Variants in GRIN2A observed in about 807,000 individuals in gnomAD.
GRIN2A encodes glutamate ionotropic receptor NMDA type subunit 2A.
In GRIN2A, 22 loss-of-function variants were observed where a neutral mutation model predicts 113.4. That is an observed-to-expected ratio of 0.19 (90% confidence interval 0.14 to 0.28). GRIN2A has a LOEUF of 0.28. Ranked by LOEUF, GRIN2A falls within the 10% of genes least tolerant of loss-of-function variation. The probability of loss-of-function intolerance (pLI) is 1.00; values close to 1 mark genes in which losing one functional copy is unlikely to be tolerated. For synonymous variants in GRIN2A, 827 were observed against 738.4 expected (o/e 1.12, Z -1.94); for missense variants, 1,502 against 1,887.0 (o/e 0.80, Z 3.78).
intron 2 of GRIN2A, among the ~76,000 whole-genome samples, chr16:10,025,315 T>C (rs2141907936): frequency 6.9e-6 from 1 of 145,526 alleles, no homozygotes; most frequent in Middle Eastern, 3.4e-3. Flanking sequence ...TTTTTTTTTT[T>C]TTTTTGAGAT....
intron 3 of GRIN2A, among the ~76,000 whole-genome samples, chr16:9,896,101 G>C (rs971623732): frequency 1.3e-5 from 2 of 151,856 alleles, no homozygotes; most frequent in Non-Finnish European, 2.9e-5. Context: ...CCAGGATGGA[G>C]TGCAGTGGTG....
intron 4 of GRIN2A, among the ~76,000 whole-genome samples, chr16:9,886,191 A>C (rs1222071347): frequency 6.6e-6 from 1 of 152,254 alleles, no homozygotes; most frequent in Admixed American, 6.5e-5. Flanking sequence ...TAACATCAAA[A>C]GGTTGAAAAC....
At position 10,084,449 on chromosome 16, in the gene GRIN2A, A is replaced by C. The variant is rs1264465764; in HGVS notation, c.414+95549T>G. ...GAACCTGGGGTCCAACACCAAGGCCACTAAGACCAAAAGACAACCCCAGTC... is the reference window on the plus strand; with the variant it reads ...GAACCTGGGGTCCAACACCAAGGCCCCTAAGACCAAAAGACAACCCCAGTC... On this transcript the variant is annotated intron_variant, in intron 2 of 12. Coordinates refer to ENST00000330684, the MANE Select transcript of GRIN2A (RefSeq NM_001134407.3). 2.0e-5 allele frequency among the ~76,000 whole-genome samples: 3 copies of C among 152,342 alleles called. No individual in the cohort carries two copies. In the East Asian group the frequency reaches 5.8e-4, roughly 29 times the overall value.
rs563331202 is a variant in GRIN2A, at chr16:9,969,855, A to G, written c.415-31304T>C. On this transcript the variant is annotated intron_variant, in intron 2 of 12. Transcript: ENST00000330684. ...TCTAGCCCAAAATGTCAAGAATTCC[A>G]CTGCTGAACAACTCTGCCTTAAAGC... 5.3e-5 allele frequency among the ~76,000 whole-genome samples: 8 copies of G among 152,332 alleles called. 1 individual carries two copies. Among genetic ancestry groups the G allele is most frequent in the Middle Eastern group, 6.8e-3 (2 of 294 alleles).
intron 2 of GRIN2A, among the ~76,000 whole-genome samples, chr16:10,110,557 G>C (rs142768896): frequency 1.3e-5 from 2 of 152,226 alleles, no homozygotes; most frequent in East Asian, 1.9e-4. Flanking sequence ...AGCCAGGACT[G>C]GGGGGTGCAT....
In GRIN2A at chr16:9,761,880, G is replaced by A. The variant is rs558884932; in HGVS notation, c.*1269C>T. On this transcript the variant is annotated 3_prime_UTR_variant, in exon 13 of 13. Coordinates refer to ENST00000330684, the MANE Select transcript of GRIN2A (RefSeq NM_001134407.3). ...TGCCACCAACAGAGAGAATAACTCAGAAGGGAGAAATTGCTTGTCTCACTA... is the reference window on the plus strand; with the variant it reads ...TGCCACCAACAGAGAGAATAACTCAAAAGGGAGAAATTGCTTGTCTCACTA... The A allele has an allele frequency of 4.9e-6, 1 of 205,448 alleles. No individual in the cohort carries two copies. Among genetic ancestry groups the A allele is most frequent in the African/African-American group, 2.3e-5 (1 of 43,896 alleles). The allele number at this position is 205,448 out of a possible 1,614,324, so 12.7% of individuals were successfully genotyped here. A position where few individuals can be genotyped will look rare whatever the true frequency, so the allele number is the denominator to read the frequency against.
In GRIN2A at chr16:10,122,725, G is replaced by A. The variant is rs561193776; in HGVS notation, c.414+57273C>T. ...ACATGAAAAGGGTGCAGACCTTCTT[G>A]GGCCCCCTGCTGGAGAGCCAACCTG... On this transcript the variant is annotated intron_variant, in intron 2 of 12. Coordinates refer to ENST00000330684, the MANE Select transcript of GRIN2A (RefSeq NM_001134407.3). 3.9e-5 allele frequency among the ~76,000 whole-genome samples: 6 copies of A among 152,250 alleles called. No homozygotes were observed. The East Asian group carries it at 9.7e-4, about 24-fold the overall frequency.
chr16:10,146,297 T>A (rs1175849383), intron 2 of GRIN2A, among the ~76,000 whole-genome samples: 1 of 152,184 alleles, frequency 6.6e-6, no homozygotes, highest in African/African-American at 2.4e-5. Context: ...TTTATATTTT[T>A]AGCAGACACA....
chr16:9,795,859 C>T (rs907469757), intron 11 of GRIN2A, among the ~76,000 whole-genome samples: 1 of 152,188 alleles, frequency 6.6e-6, no homozygotes, highest in Admixed American at 6.5e-5. Flanking sequence ...AGGATTTATA[C>T]ATCTCAAGAG....
chr16:9,884,430 T>C (rs909841887), intron 4 of GRIN2A, among the ~76,000 whole-genome samples: 1 of 152,052 alleles, frequency 6.6e-6, no homozygotes, highest in Non-Finnish European at 1.5e-5. Context: ...GTGTCTGTAA[T>C]GCCAGCTATT....
intron 2 of GRIN2A, among the ~76,000 whole-genome samples, chr16:10,154,778 G>C (rs1489185528): frequency 1.3e-5 from 2 of 152,178 alleles, no homozygotes; most frequent in African/African-American, 4.8e-5. Flanking sequence ...TGAAGGATAT[G>C]AGACAGACAG....
intron 2 of GRIN2A, among the ~76,000 whole-genome samples, chr16:10,159,584 C>T (rs2049770950): frequency 6.6e-6 from 1 of 152,148 alleles, no homozygotes; most frequent in African/African-American, 2.4e-5. Context: ...TCCTGACTTC[C>T]AACAAGCAGC....
chr16:10,074,304 GAAAACA>G (rs2047824832), intron 2 of GRIN2A, among the ~76,000 whole-genome samples: 1 of 152,204 alleles, frequency 6.6e-6, no homozygotes, highest in African/African-American at 2.4e-5. Context: ...AGCTGCTATG[GAAAACA>G]GTACGACAGT....
chr16:10,161,252 T>A (rs1489948214), intron 2 of GRIN2A, among the ~76,000 whole-genome samples: 1 of 152,170 alleles, frequency 6.6e-6, no homozygotes, highest in African/African-American at 2.4e-5. Context: ...GCTGCTGCCA[T>A]ATGAAGAAGT....
intron 2 of GRIN2A, among the ~76,000 whole-genome samples, chr16:9,959,964 T>C (rs893587700): frequency 2.0e-5 from 3 of 151,560 alleles, no homozygotes; most frequent in African/African-American, 7.3e-5. Context: ...CAGAGCGAGA[T>C]TTCATCTCAA....
chr16:9,895,446 G>A (rs1224028383), intron 3 of GRIN2A, among the ~76,000 whole-genome samples: 2 of 152,168 alleles, frequency 1.3e-5, no homozygotes, highest in Non-Finnish European at 2.9e-5. Context: ...AGAGACAGAC[G>A]CAGGAGTCAG....
At chr16:10,178,199 C>A (rs961168985) in intron 2 of GRIN2A, among the ~76,000 whole-genome samples, 9 of 152,316 alleles carry the variant, frequency 5.9e-5, no homozygotes, top group Admixed American at 3.9e-4. Flanking sequence ...TCCCTCAATG[C>A]CTTCTTTAGA....
chr16:9,834,703 C>G (rs192043729), intron 7 of GRIN2A, among the ~76,000 whole-genome samples: 3 of 152,260 alleles, frequency 2.0e-5, no homozygotes, highest in Admixed American at 6.5e-5. Flanking sequence ...TTTTATTCAT[C>G]ATTTTAAATC....
At chr16:9,969,527 G>T (rs1274849022) in intron 2 of GRIN2A, among the ~76,000 whole-genome samples, 2 of 152,172 alleles carry the variant, frequency 1.3e-5, no homozygotes, top group East Asian at 3.9e-4. Context: ...GATATTTAAA[G>T]AACTGGATGT....
Sources: allele counts gnomAD v4.1 joint callset (sites outside exome capture counted in the v4.1 genomes callset), GRCh38; gene constraint gnomAD v4.1.1; transcripts MANE v1.5; gene names NCBI Gene and HGNC (gene_info 2026-07-23, HGNC 2026-07-21).